MAP4K4: variants seen among roughly 807,000 people sequenced by gnomAD.
The protein encoded by MAP4K4 is mitogen-activated protein kinase kinase kinase kinase 4, also known as HPK/GCK-like kinase HGK.
A neutral mutation model predicts 189.6 loss-of-function variants in MAP4K4; 38 were observed. The observed-to-expected ratio is 0.20, with a 90% CI of 0.15 to 0.26. The LOEUF (loss-of-function observed/expected upper bound fraction) is 0.26. Among genes scored for constraint, MAP4K4 ranks in the 10% least tolerant of loss-of-function variants. The probability of loss-of-function intolerance (pLI) is 1.00; values close to 1 mark genes in which losing one functional copy is unlikely to be tolerated. For synonymous variants in MAP4K4, 610 were observed against 624.3 expected, an observed-to-expected ratio of 0.98 and a Z score of 0.34; for missense variants, 1,054 against 1,726.9, an observed-to-expected ratio of 0.61 and a Z score of 6.91.
At chr2:101,877,910 C>T (rs897144923) in intron 27 of MAP4K4, among the ~76,000 whole-genome samples, 28 of 152,054 alleles carry the variant, frequency 1.8e-4, no homozygotes, top group Non-Finnish European at 2.6e-4. Context: ...CCACCATGCC[C>T]GGCTGATTTT....
At chr2:101,712,496 A>G (rs558713045) in intron 2 of MAP4K4, among the ~76,000 whole-genome samples, 47 of 149,856 alleles carry the variant, frequency 3.1e-4, no homozygotes, top group Non-Finnish European at 6.5e-4. Flanking sequence ...GCCTGGCCCT[A>G]TTTTTTATTT....
At chr2:101,833,235 C>T (rs998914545) in intron 7 of MAP4K4, among the ~76,000 whole-genome samples, 11 of 152,094 alleles carry the variant, frequency 7.2e-5, no homozygotes, top group African/African-American at 2.7e-4. Flanking sequence ...ACTTTAATTC[C>T]TTGGTTAAGA....
chr2:101,864,983 A>G (rs757945646), exon 18 of MAP4K4: 13 of 1,579,756 alleles, frequency 8.2e-6, no homozygotes, highest in Non-Finnish European at 1.1e-5. Context: ...GAGATTCCCC[A>G]CTGCAGGGCA....
At chr2:101,826,245 G>T (rs1576328990) in intron 5 of MAP4K4, among the ~76,000 whole-genome samples, 1 of 152,070 alleles carries the variant, frequency 6.6e-6, no homozygotes, top group Middle Eastern at 3.4e-3. Flanking sequence ...TAACTAATAA[G>T]TTATTTTAAT....
intron 17 of MAP4K4, 70 bp from the exon 18 acceptor site, chr2:101,864,860 T>G (rs2097769718): frequency 1.0e-6 from 1 of 997,290 alleles, no homozygotes; most frequent in Non-Finnish European, 1.5e-6. Context: ...AAAAATATAT[T>G]TTGGTAGGGA....
intron 2 of MAP4K4, among the ~76,000 whole-genome samples, chr2:101,733,455 G>A (rs2059290346): frequency 6.6e-6 from 1 of 152,326 alleles, no homozygotes; most frequent in South Asian, 2.1e-4. Context: ...ATTAGAACTT[G>A]GGTGTCTTTG....
intron 2 of MAP4K4, among the ~76,000 whole-genome samples, chr2:101,730,301 CT>C (rs1370992765): frequency 6.6e-6 from 1 of 152,026 alleles, no homozygotes; most frequent in African/African-American, 2.4e-5. Context: ...GATCATGAGT[CT>C]GGGGTGGAGA....
At chr2:101,729,698 C>T (rs17204114) in intron 2 of MAP4K4, among the ~76,000 whole-genome samples, 37,432 of 152,112 alleles carry the variant, frequency 0.25, 5,477 homozygotes, top group Non-Finnish European at 0.31. Context: ...TATGTCTACA[C>T]CCCTCCAGGT....
At chr2:101,759,257 G>A (rs998442998) in intron 2 of MAP4K4, among the ~76,000 whole-genome samples, 1 of 151,764 alleles carries the variant, frequency 6.6e-6, no homozygotes, top group Non-Finnish European at 1.5e-5. Context: ...TGCTTCCTTT[G>A]CTTTCCTTGG....
At chr2:101,777,774 G>C (rs1441056049) in intron 2 of MAP4K4, among the ~76,000 whole-genome samples, 3 of 152,120 alleles carry the variant, frequency 2.0e-5, no homozygotes, top group Non-Finnish European at 4.4e-5. Flanking sequence ...GCACACTTTT[G>C]TTCACTGTTG....
intron 2 of MAP4K4, among the ~76,000 whole-genome samples, chr2:101,768,925 G>T (rs1482821854): frequency 6.6e-6 from 1 of 152,314 alleles, no homozygotes; most frequent in East Asian, 1.9e-4. Flanking sequence ...CACAGTTGGT[G>T]TAAGCCTGTT....
chr2:101,814,031 G>A lies in MAP4K4; in HGVS notation c.181-9897G>A, dbSNP rs535076273. Among the ~76,000 whole-genome samples the A allele has an allele frequency of 2.0e-5, 3 of 152,276 alleles. No individual in the cohort carries two copies. In the South Asian group the frequency reaches 6.2e-4, roughly 32 times the overall value. ...TTTTCCTAGTTAGGATTGAAAAGTA[G>A]GGAGGTGATATTTAATTATTGAAGG... On this transcript the variant is annotated intron_variant, in intron 3 of 32. Transcript: ENST00000324219.
intron 2 of MAP4K4, among the ~76,000 whole-genome samples, chr2:101,701,911 G>A (rs2039028530): frequency 6.6e-6 from 1 of 152,144 alleles, no homozygotes; most frequent in Non-Finnish European, 1.5e-5. Flanking sequence ...TGTTGCCCAG[G>A]CTGGAGTGCA....
intron 3 of MAP4K4, among the ~76,000 whole-genome samples, chr2:101,805,984 G>A (rs2094891715): frequency 6.6e-6 from 1 of 152,054 alleles, no homozygotes; most frequent in African/African-American, 2.4e-5. Context: ...GTAGGTTTGG[G>A]GTGGAATAAA....
chr2:101,820,070 C>T (rs1365435828), intron 3 of MAP4K4, among the ~76,000 whole-genome samples: 4 of 152,136 alleles, frequency 2.6e-5, no homozygotes. Context: ...ATCGAGTGCT[C>T]TTGACTCTTT....
At chr2:101,810,817 A>G (rs931636556) in intron 3 of MAP4K4, among the ~76,000 whole-genome samples, 2 of 152,214 alleles carry the variant, frequency 1.3e-5, no homozygotes, top group East Asian at 1.9e-4. Context: ...GATAAACCCA[A>G]TTAATTCTAC....
intron 2 of MAP4K4, among the ~76,000 whole-genome samples, chr2:101,720,076 G>A (rs1392433317): frequency 6.6e-6 from 1 of 152,048 alleles, no homozygotes; most frequent in Admixed American, 6.5e-5. Context: ...GCTTTAAAAT[G>A]CTGTTGAGAA....
At chr2:101,842,523 C>T (rs978350728) in intron 10 of MAP4K4, 86 bp from the exon 11 acceptor site, 2 of 920,774 alleles carry the variant, frequency 2.2e-6, no homozygotes, top group African/African-American at 3.3e-5. Flanking sequence ...TTATTTTCTG[C>T]CAAGGTGCTC....
At chr2:101,782,181 A>C (rs770625194) in intron 2 of MAP4K4, among the ~76,000 whole-genome samples, 2 of 152,230 alleles carry the variant, frequency 1.3e-5, no homozygotes, top group Non-Finnish European at 2.9e-5. Flanking sequence ...GCGGTGCATA[A>C]TTTATTTTAC....
Sources: gnomAD v4.1 joint callset for allele counts (sites outside exome capture counted in the v4.1 genomes callset) on GRCh38, gnomAD v4.1.1 for gene constraint, MANE v1.5 for transcripts, NCBI Gene and HGNC (gene_info 2026-07-23, HGNC 2026-07-21) for gene names.